The following DOC2B variants were observed in gnomAD, a reference collection of about 807,000 sequenced individuals.
DOC2B encodes double C2-like domain-containing protein beta.
A neutral mutation model predicts 28.9 loss-of-function variants in DOC2B; 21 were observed. The ratio of observed to expected loss-of-function variants is 0.73; its 90% CI spans 0.52 to 1.05. DOC2B has a LOEUF of 1.05. Among genes scored for constraint, DOC2B ranks in the 50% least tolerant of loss-of-function variants. DOC2B has a pLI of 0.00. For missense variants in DOC2B, 384 were observed against 421.1 expected, an observed-to-expected ratio of 0.91 and a Z score of 0.77; for synonymous variants, 194 against 178.1, an observed-to-expected ratio of 1.09 and a Z score of -0.71.
At chr17:179,697 C>T (rs1420996969) in intron 1 of DOC2B, among the ~76,000 whole-genome samples, 1 of 152,196 alleles carries the variant, frequency 6.6e-6, no homozygotes, top group East Asian at 1.9e-4. Context: ...AGGGCACAGC[C>T]CTGAGGGCAA....
intron 5 of DOC2B, among the ~76,000 whole-genome samples, chr17:159,245 C>T (rs2040171816): frequency 6.6e-6 from 1 of 152,036 alleles, no homozygotes; most frequent in African/African-American, 2.4e-5. Flanking sequence ...AATCCCAGCA[C>T]TTTGGGAGGC....
intron 2 of DOC2B, among the ~76,000 whole-genome samples, chr17:170,344 T>C (rs944491597): frequency 2.0e-5 from 3 of 152,152 alleles, no homozygotes; most frequent in Admixed American, 2.0e-4. Flanking sequence ...CCCTGAGGCT[T>C]GCGTGGATGG....
intron 3 of DOC2B, among the ~76,000 whole-genome samples, chr17:162,995 G>A (rs1196673078): frequency 2.0e-5 from 3 of 152,204 alleles, no homozygotes; most frequent in Non-Finnish European, 4.4e-5. Flanking sequence ...AGGCTGGGAG[G>A]TCAGACAGCC....
chr17:154,954 C>G (rs1249685720), intron 6 of DOC2B, among the ~76,000 whole-genome samples: 31 of 152,142 alleles, frequency 2.0e-4, no homozygotes, highest in Admixed American at 2.0e-3. Flanking sequence ...GTCTCAAACT[C>G]CTGACCTCAG....
chr17:164,075 G>T, intron 3 of DOC2B, 55 bp downstream of exon 3: 1 of 1,393,500 alleles, frequency 7.2e-7, no homozygotes, highest in Non-Finnish European at 1.0e-6. Context: ...AGAGTGCATT[G>T]CCTGAGGTGG....
chr17:152,811 T>C (rs2040086553), intron 6 of DOC2B, among the ~76,000 whole-genome samples: 1 of 152,054 alleles, frequency 6.6e-6, no homozygotes, highest in African/African-American at 2.4e-5. Context: ...ATAAAAATAA[T>C]AGTGCAGACA....
Position 156,376 on chromosome 17 carries a change from A to G in DOC2B, c.767T>C (p.Val256Ala), listed in dbSNP as rs1555522545. Residue 256 changes from valine (V) to alanine (A), a missense_variant and splice_region_variant, in exon 6 of 9, where the codon GTG becomes GCG. Coordinates refer to ENST00000613549, the MANE Select transcript of DOC2B (RefSeq NM_003585.5). ...CAGGGACTTGTCTTCAGTCTTGTCC[A>G]CCTGTTGGACGGGACGGTCACTCAG... is the stretch of plus-strand genomic sequence containing the variant. Reference protein sequence around the residue: ...FSICLEKQLPVDKTEDKSLEE... With the variant: ...FSICLEKQLPADKTEDKSLEE... 4 of 1,550,842 alleles carry G rather than the reference A, an allele frequency of 2.6e-6. No homozygotes were observed. The highest frequency in any genetic ancestry group is 1.2e-5 in the South Asian group (1 of 84,026).
At chr17:147,643 C>A in intron 8 of DOC2B, 66 bp from the exon 9 acceptor site, 3 of 398,796 alleles carry the variant, frequency 7.5e-6, no homozygotes, top group Non-Finnish European at 1.3e-5. Flanking sequence ...GGGGCCCATG[C>A]CCCCTCCCAG....
At chr17:148,735 T>TG (rs1389255382) in intron 7 of DOC2B, among the ~76,000 whole-genome samples, 6 of 152,134 alleles carry the variant, frequency 3.9e-5, no homozygotes, top group Admixed American at 1.3e-4. Flanking sequence ...TCTTGTTCCT[T>TG]GGGGGGAATC....
chr17:179,282 C>T (rs1487860089), intron 1 of DOC2B, among the ~76,000 whole-genome samples: 1 of 152,172 alleles, frequency 6.6e-6, no homozygotes, highest in Non-Finnish European at 1.5e-5. Context: ...GGGCCCAGCC[C>T]TGCTGCCAGG....
chr17:142,959 T>C lies in DOC2B; in HGVS notation c.*4482A>G, dbSNP rs2039994949. On this transcript the variant is annotated 3_prime_UTR_variant, in exon 9 of 9. Coordinates refer to ENST00000613549, the MANE Select transcript of DOC2B (RefSeq NM_003585.5). ...ACACTAATCTGTGGTTAGGAAGGTT[T>C]ATTTTTTTCCCTCCAAACCTAAGCA... is the stretch of plus-strand genomic sequence containing the variant. 1 of 152,188 alleles carries C rather than the reference T, an allele frequency of 6.6e-6. No homozygotes were observed. The highest frequency in any genetic ancestry group is 1.5e-5 in the Non-Finnish European group (1 of 68,038). 9.4% of individuals were successfully genotyped at this position (152,188 alleles called of 1,614,324 possible). A position where few individuals can be genotyped will look rare whatever the true frequency, so the allele number is the denominator to read the frequency against.
intron 6 of DOC2B, among the ~76,000 whole-genome samples, chr17:151,188 TGAGCCCAG>T: frequency 6.6e-6 from 1 of 152,220 alleles, no homozygotes. Flanking sequence ...GGAAGATGCT[TGAGCCCAG>T]GAGTTCAAGG....
In DOC2B at chr17:156,208, C is replaced by A. The variant is rs372515758; in HGVS notation, c.923+12G>T. On this transcript the variant is annotated intron_variant, in intron 6 of 8. Coordinates refer to ENST00000613549, the MANE Select transcript of DOC2B (RefSeq NM_003585.5). ...AAGACGTGGCAGGTGGTCACGCGCA[C>A]GGCACACTCACGTTTTCACGTAGGG... 1.3e-6 allele frequency: 2 copies of A among 1,543,284 alleles called. No individual in the cohort carries two copies.
At chr17:156,095 A>G (rs893145093) in intron 6 of DOC2B, 125 bp downstream of exon 6, 3 of 1,102,034 alleles carry the variant, frequency 2.7e-6, no homozygotes, top group Non-Finnish European at 3.8e-6. Context: ...CCATCAGGGA[A>G]CACAGCGCCC....
chr17:174,487 C>T lies in DOC2B; in HGVS notation c.374-1871G>A, dbSNP rs531299912. On this transcript the variant is annotated intron_variant, in intron 1 of 8. Transcript: ENST00000613549. ...CTGGAATGAAACTGTCCTCAATTGG[C>T]TCATTTCCCTCCCTGCCTTTGGGAA... 6.4e-4 allele frequency among the ~76,000 whole-genome samples: 98 copies of T among 152,286 alleles called. 2 individuals carry two copies. The highest frequency in any genetic ancestry group is 3.4e-3 in the Middle Eastern group (1 of 294).
intron 5 of DOC2B, among the ~76,000 whole-genome samples, chr17:156,606 G>A (rs2040139023): frequency 6.6e-6 from 1 of 152,210 alleles, no homozygotes; most frequent in South Asian, 2.1e-4. Context: ...GGCTGCATGT[G>A]GCCTACGGTG....
At position 145,755 on chromosome 17, in the gene DOC2B, C is replaced by T. The variant is rs2040014000; in HGVS notation, c.*1686G>A. On this transcript the variant is annotated 3_prime_UTR_variant, in exon 9 of 9. Transcript: ENST00000613549. ...AGCAGGCGGGGGAGCCCCAGGCTGGCAGCTAGCAGGACCTCTCTGGTGTGA... is the reference window on the plus strand; with the variant it reads ...AGCAGGCGGGGGAGCCCCAGGCTGGTAGCTAGCAGGACCTCTCTGGTGTGA... 1.3e-5 allele frequency: 2 copies of T among 153,548 alleles called. No individual in the cohort carries two copies. The highest frequency in any genetic ancestry group is 2.9e-5 in the Non-Finnish European group (2 of 69,148). The allele number at this position is 153,548 out of a possible 1,614,324, so 9.5% of individuals were successfully genotyped here.
intron 6 of DOC2B, among the ~76,000 whole-genome samples, chr17:155,376 C>G (rs1372662523): frequency 6.6e-6 from 1 of 152,156 alleles, no homozygotes; most frequent in Non-Finnish European, 1.5e-5. Flanking sequence ...GTACTGGCCT[C>G]TTCATGGTGC....
chr17:174,994 C>T (rs552589081), intron 1 of DOC2B, among the ~76,000 whole-genome samples: 1 of 152,256 alleles, frequency 6.6e-6, no homozygotes, highest in East Asian at 1.9e-4. Context: ...AATCCCAGCA[C>T]TTTGGGAGGC....
Sources: gnomAD v4.1 joint callset for allele counts (sites outside exome capture counted in the v4.1 genomes callset) on GRCh38, gnomAD v4.1.1 for gene constraint, MANE v1.5 for transcripts, NCBI Gene and HGNC (gene_info 2026-07-23, HGNC 2026-07-21) for gene names.